The following DLG2 variants were observed in gnomAD, a reference collection of about 807,000 sequenced individuals.
DLG2 encodes disks large homolog 2.
In DLG2, 45 loss-of-function variants were observed where a neutral mutation model predicts 132.5. The ratio of observed to expected loss-of-function variants is 0.34; its 90% CI spans 0.27 to 0.44. DLG2 has a LOEUF of 0.44. Among genes scored for constraint, DLG2 ranks in the 20% least tolerant of loss-of-function variants. DLG2 has a pLI of 1.00. For synonymous variants in DLG2, 424 were observed against 419.6 expected (o/e 1.01, Z -0.13); for missense variants, 1,045 against 1,196.9 (o/e 0.87, Z 1.87).
intron 19 of DLG2, among the ~76,000 whole-genome samples, chr11:83,573,816 C>T (rs2096835515): frequency 6.6e-6 from 1 of 152,122 alleles, no homozygotes. Context: ...TACAGGATAA[C>T]TACATGTGGT....
At chr11:83,902,292 C>CACCA (rs2073671814) in intron 15 of DLG2, among the ~76,000 whole-genome samples, 1 of 152,068 alleles carries the variant, frequency 6.6e-6, no homozygotes, top group African/African-American at 2.4e-5. Context: ...CTGTAGTACC[C>CACCA]ACCACAGATT....
intron 3 of DLG2, among the ~76,000 whole-genome samples, chr11:85,420,744 A>C (rs1310698637): frequency 6.6e-6 from 1 of 152,196 alleles, no homozygotes; most frequent in Non-Finnish European, 1.5e-5. Context: ...GGGAAAAACC[A>C]ACCACCTACT....
rs71036459 is a variant in DLG2 at position 85,150,699 on chromosome 11, A to AGTGTGTGT, written c.282+3849_282+3856dup. 1.8e-3 allele frequency among the ~76,000 whole-genome samples: 223 copies of AGTGTGTGT among 127,350 alleles called. 2 individuals are homozygous for AGTGTGTGT. The highest frequency in any genetic ancestry group is 0.016 in the East Asian group (66 of 4,170). The allele number at this position is 127,350 out of a possible 152,430, so 83.5% of individuals were successfully genotyped here. ...TTTCCTTTTGTTCCTAAGGCTACAT[A>AGTGTGTGT]GTGTGTGTGTGTGTGTGTGTGTGTG... On this transcript the variant is annotated intron_variant, in intron 5 of 27. Transcript: ENST00000376104.
intron 8 of DLG2, among the ~76,000 whole-genome samples, chr11:84,206,224 T>C (rs554422837): frequency 6.6e-6 from 1 of 152,226 alleles, no homozygotes; most frequent in South Asian, 2.1e-4. Context: ...TGAATCGTCC[T>C]GCATCTGTTG....
At chr11:83,623,938 C>G (rs1374296474) in intron 19 of DLG2, among the ~76,000 whole-genome samples, 2 of 152,082 alleles carry the variant, frequency 1.3e-5, no homozygotes. Flanking sequence ...CTAGAGCTGT[C>G]TAGTTTGTTC....
intron 3 of DLG2, among the ~76,000 whole-genome samples, chr11:85,476,045 C>G (rs956410998): frequency 1.3e-5 from 2 of 151,998 alleles, no homozygotes; most frequent in Non-Finnish European, 2.9e-5. Flanking sequence ...GCAATTTTGC[C>G]ATTTTGTTAA....
chr11:84,762,512 G>C (rs2067775379), intron 6 of DLG2, among the ~76,000 whole-genome samples: 1 of 152,120 alleles, frequency 6.6e-6, no homozygotes, highest in East Asian at 1.9e-4. Flanking sequence ...GGGAGATAAA[G>C]GCAAGAAAAC....
At chr11:85,185,511 C>T (rs1002139099) in intron 4 of DLG2, among the ~76,000 whole-genome samples, 1 of 151,954 alleles carries the variant, frequency 6.6e-6, no homozygotes, top group African/African-American at 2.4e-5. Context: ...TTTGCCCATG[C>T]TCATGTAGAG....
intron 9 of DLG2, among the ~76,000 whole-genome samples, chr11:84,138,531 G>A (rs971251101): frequency 1.3e-5 from 2 of 151,988 alleles, no homozygotes; most frequent in Admixed American, 6.6e-5. Context: ...GAAGAGAAGG[G>A]GATTAACTAA....
chr11:83,795,407 A>T (rs2042536815), intron 17 of DLG2, among the ~76,000 whole-genome samples: 1 of 112,784 alleles, frequency 8.9e-6, no homozygotes, highest in South Asian at 3.1e-4. Context: ...GACTCTTTAT[A>T]AGAAAAAAAA....
At chr11:83,771,886 A>G (rs986826939) in intron 18 of DLG2, among the ~76,000 whole-genome samples, 3 of 152,180 alleles carry the variant, frequency 2.0e-5, no homozygotes, top group Non-Finnish European at 4.4e-5. Flanking sequence ...GATGTCTATG[A>G]TATGAAACTG....
At chr11:83,864,187 A>T (rs1398152860) in intron 16 of DLG2, among the ~76,000 whole-genome samples, 2 of 152,232 alleles carry the variant, frequency 1.3e-5, no homozygotes, top group East Asian at 3.8e-4. Flanking sequence ...CCTGATAAAA[A>T]TTACTGAAAT....
chr11:85,424,834 C>G (rs1426335064), intron 3 of DLG2, among the ~76,000 whole-genome samples: 1 of 152,120 alleles, frequency 6.6e-6, no homozygotes, highest in African/African-American at 2.4e-5. Context: ...AAATCAAGAA[C>G]AATTCCCTCA....
chr11:84,811,942 C>T (rs2076603207), intron 6 of DLG2, among the ~76,000 whole-genome samples: 1 of 152,092 alleles, frequency 6.6e-6, no homozygotes, highest in African/African-American at 2.4e-5. Flanking sequence ...GAGTGGGGAA[C>T]CTAACCCAGC....
At position 85,376,216 on chromosome 11, in the gene DLG2, T is replaced by C. The variant is rs534683063; in HGVS notation, c.41-90851A>G. 2.6e-5 allele frequency among the ~76,000 whole-genome samples: 4 copies of C among 152,258 alleles called. No individual in the cohort carries two copies. In the East Asian group the frequency reaches 7.7e-4, roughly 29 times the overall value. On this transcript the variant is annotated intron_variant, in intron 3 of 27. Coordinates refer to ENST00000376104, the MANE Select transcript of DLG2 (RefSeq NM_001142699.3). ...GTAGAGATGCAAATTGTTATAGGAA[T>C]ATAGAGGGAGGAGAGATGAAATCTA...
At chr11:83,990,331 A>G (rs187717317) in intron 11 of DLG2, among the ~76,000 whole-genome samples, 39 of 152,278 alleles carry the variant, frequency 2.6e-4, no homozygotes, top group East Asian at 2.3e-3. Context: ...ATTTTCTTGC[A>G]TATCTCCAAG....
At chr11:85,281,625 G>T (rs2078231158) in intron 4 of DLG2, among the ~76,000 whole-genome samples, 2 of 151,964 alleles carry the variant, frequency 1.3e-5, no homozygotes, top group South Asian at 4.1e-4. Context: ...CTTTCCAATA[G>T]CCTCTAAGGC....
At chr11:85,462,698 G>C (rs1013429991) in intron 3 of DLG2, among the ~76,000 whole-genome samples, 2 of 152,018 alleles carry the variant, frequency 1.3e-5, no homozygotes, top group Admixed American at 1.3e-4. Context: ...TATACCTAAT[G>C]TTAAATGACG....
chr11:84,727,925 A>G (rs1440436494), intron 6 of DLG2, among the ~76,000 whole-genome samples: 5 of 152,094 alleles, frequency 3.3e-5, no homozygotes, highest in African/African-American at 1.2e-4. Flanking sequence ...AATGCTTGTG[A>G]TTTTGGCACA....
Sources: gnomAD v4.1 joint callset for allele counts (sites outside exome capture counted in the v4.1 genomes callset) on GRCh38, gnomAD v4.1.1 for gene constraint, MANE v1.5 for transcripts, NCBI Gene and HGNC (gene_info 2026-07-23, HGNC 2026-07-21) for gene names.